The following CASR variants were observed in gnomAD, a reference collection of about 807,000 sequenced individuals.
The protein encoded by CASR is calcium sensing receptor, also known as extracellular calcium-sensing receptor.
A neutral mutation model predicts 69.1 loss-of-function variants in CASR; 23 were observed. That is an observed-to-expected ratio of 0.33 (90% CI 0.24 to 0.47). The LOEUF (loss-of-function observed/expected upper bound fraction) is 0.47, where lower values mean the gene tolerates loss of function less well. Ranked by LOEUF, CASR falls within the 20% of genes least tolerant of loss-of-function variation. The pLI is 1.00. For synonymous variants in CASR, 541 were observed against 544.7 expected, an observed-to-expected ratio of 0.99 and a Z score of 0.10; for missense variants, 924 against 1,356.1, an observed-to-expected ratio of 0.68 and a Z score of 5.00.
chr3:122,187,100 C>G (rs895901063), intron 1 of CASR, among the ~76,000 whole-genome samples: 3 of 152,064 alleles, frequency 2.0e-5, no homozygotes, highest in African/African-American at 7.2e-5. Context: ...CATCCATATT[C>G]CCATTAATAA....
chr3:122,199,711 G>C (rs2073923449), intron 1 of CASR, among the ~76,000 whole-genome samples: 1 of 152,040 alleles, frequency 6.6e-6, no homozygotes, highest in Admixed American at 6.6e-5. Flanking sequence ...GTAGAATAGT[G>C]GTTACTAGAG....
chr3:122,268,159 A>T (rs751028201), intron 4 of CASR, among the ~76,000 whole-genome samples: 5 of 152,100 alleles, frequency 3.3e-5, no homozygotes, highest in Non-Finnish European at 7.3e-5. Flanking sequence ...TTTCTCTCTC[A>T]CCTGAGAAAT....
Position 122,191,501 on chromosome 3 carries a change from G to A in CASR, c.-243+7689G>A, listed in dbSNP as rs891279154. On this transcript the variant is annotated intron_variant, in intron 1 of 6. Transcript: ENST00000639785. ...TAATTTTTGTGTTTTTAGTAGAGAC[G>A]GAGTTTTACCATGTTGCCCAGGCTG... Among the ~76,000 whole-genome samples, 6 of 151,420 alleles carry A rather than the reference G, an allele frequency of 4.0e-5. No homozygotes were observed. The South Asian group carries it at 1.0e-3, about 26-fold the overall frequency.
At chr3:122,201,651 AC>A (rs2073952887) in intron 1 of CASR, among the ~76,000 whole-genome samples, 1 of 82,168 alleles carries the variant, frequency 1.2e-5, no homozygotes, top group African/African-American at 3.8e-5. Context: ...TCCCTCCCGG[AC>A]GGGGCGGCTG....
Position 122,261,824 on chromosome 3 carries a change from G to A in CASR, c.789G>A (p.Thr263=), listed in dbSNP as rs369124816. The A allele has an allele frequency of 1.9e-6, 3 of 1,614,182 alleles. No homozygotes were observed. The highest frequency in any genetic ancestry group is 1.7e-5 in the Admixed American group (1 of 60,020). ...QHVVEVIQNS[T]AKVIVVFSSG... ...TGGTAGAGGTGATTCAAAATTCCAC[G>A]GCCAAAGTCATCGTGGTTTTCTCCA... is the stretch of plus-strand genomic sequence containing the variant. Residue 263 remains threonine, a synonymous_variant, in exon 4 of 7, where the codon ACG becomes ACA. Transcript: ENST00000639785.
chr3:122,288,953 A>G lies in CASR; in HGVS notation c.*3762A>G, dbSNP rs1223186108. Reference sequence around the variant, plus strand: ...AATTTAGAGGTGACGATCAGCATATAACATCAATACCCTGAAAGTCCCTAT... The same window carrying G: ...AATTTAGAGGTGACGATCAGCATATGACATCAATACCCTGAAAGTCCCTAT... On this transcript the variant is annotated 3_prime_UTR_variant, in exon 7 of 7. Transcript: ENST00000639785. 2 of 152,204 alleles carry G rather than the reference A, an allele frequency of 1.3e-5. No homozygotes were observed. The highest frequency in any genetic ancestry group is 2.4e-5 in the African/African-American group (1 of 41,448). 9.4% of individuals were successfully genotyped at this position (152,204 alleles called of 1,614,324 possible).
rs535560123 is a variant in CASR, at chr3:122,286,184, G to A, written c.*993G>A. On this transcript the variant is annotated 3_prime_UTR_variant, in exon 7 of 7. Transcript: ENST00000639785. ...CTAGGGTAGGAAAGCGTGGTTCCAA[G>A]AAAGATCCACCCTCAAATGTCAGAG... The A allele has an allele frequency of 6.6e-6, 1 of 152,418 alleles. No individual in the cohort carries two copies. The highest frequency in any genetic ancestry group is 1.9e-4 in the East Asian group (1 of 5,178). The allele number at this position is 152,418 out of a possible 1,614,324, so 9.4% of individuals were successfully genotyped here.
At chr3:122,266,072 T>G (rs2074690387) in intron 4 of CASR, among the ~76,000 whole-genome samples, 1 of 152,140 alleles carries the variant, frequency 6.6e-6, no homozygotes, top group African/African-American at 2.4e-5. Context: ...CTGTGTGACC[T>G]GGCCCTCATT....
In CASR at chr3:122,275,894, G is replaced by A. The variant is rs1206946808; in HGVS notation, c.1460G>A (p.Gly487Glu). 1.9e-6 allele frequency: 3 copies of A among 1,613,992 alleles called. No individual in the cohort carries two copies. Among genetic ancestry groups the A allele is most frequent in the African/African-American group, 2.7e-5 (2 of 74,914 alleles). Residue 487 changes from glycine to glutamate, a missense_variant, in exon 5 of 7, where the codon GGG (glycine) becomes GAG (glutamate). Gly to Glu is a moderately conservative substitution (Grantham distance 98). Around this residue, in one of 8 missense-constraint regions of CASR, gnomAD observed 310 missense variants for 395.7 expected, o/e 0.78. Transcript: ENST00000639785. ...TTTGATGAGTGTGGTGACCTGGTGG[G>A]GAACTATTCCATCATCAACTGGCAC... The part of the protein sequence containing the change: ...VTFDECGDLV[G>E]NYSIINWHLS...
rs1212423248 is a variant in CASR, at chr3:122,288,527, G to A, written c.*3336G>A. The A allele has an allele frequency of 6.6e-6, 1 of 152,148 alleles. No individual in the cohort carries two copies. Among genetic ancestry groups the A allele is most frequent in the Non-Finnish European group, 1.5e-5 (1 of 68,056 alleles). 9.4% of individuals were successfully genotyped at this position (152,148 alleles called of 1,614,324 possible). A position where few individuals can be genotyped will look rare whatever the true frequency, so the allele number is the denominator to read the frequency against. On this transcript the variant is annotated 3_prime_UTR_variant, in exon 7 of 7. Transcript: ENST00000639785. ...GAGCCTGTCTCAGAGATCTATTCCT[G>A]TTCTCACTGTGGTCCTCTTCCCTTC... is the stretch of plus-strand genomic sequence containing the variant.
chr3:122,247,969 CAATT>C (rs1470691948), intron 1 of CASR, among the ~76,000 whole-genome samples: 1 of 152,126 alleles, frequency 6.6e-6, no homozygotes, highest in Non-Finnish European at 1.5e-5. Flanking sequence ...TTTTCCAACT[CAATT>C]AAGCCATTAC....
intron 4 of CASR, among the ~76,000 whole-genome samples, chr3:122,264,630 C>G (rs932618626): frequency 2.0e-5 from 3 of 152,152 alleles, no homozygotes; most frequent in Non-Finnish European, 4.4e-5. Flanking sequence ...AAAATCTCCC[C>G]AGGAGACAGC....
chr3:122,253,894 C>T, intron 1 of CASR, 54 bp from the exon 2 acceptor site: 1 of 417,552 alleles, frequency 2.4e-6, no homozygotes, highest in Non-Finnish European at 4.5e-6. Context: ...CAGTGGTCAT[C>T]ACAAGATGGG....
chr3:122,204,310 T>C (rs2073985504), intron 1 of CASR, among the ~76,000 whole-genome samples: 1 of 152,192 alleles, frequency 6.6e-6, no homozygotes, highest in South Asian at 2.1e-4. Context: ...AGCCCCCATA[T>C]GTAAATGAGA....
intron 6 of CASR, among the ~76,000 whole-genome samples, chr3:122,283,389 T>A (rs1275644449): frequency 6.6e-6 from 1 of 152,218 alleles, no homozygotes; most frequent in Admixed American, 6.5e-5. Context: ...GCAAGGTTGA[T>A]CATTCCCTGC....
At chr3:122,199,768 A>G (rs2073924094) in intron 1 of CASR, among the ~76,000 whole-genome samples, 1 of 152,222 alleles carries the variant, frequency 6.6e-6, no homozygotes, top group African/African-American at 2.4e-5. Context: ...AAGTTGGTTA[A>G]GGTATACAAA....
chr3:122,235,713 C>G (rs892747831), intron 1 of CASR, among the ~76,000 whole-genome samples: 1 of 152,126 alleles, frequency 6.6e-6, no homozygotes, highest in African/African-American at 2.4e-5. Flanking sequence ...AGGAGGATCA[C>G]GAGCCCAGGA....
intron 1 of CASR, among the ~76,000 whole-genome samples, chr3:122,252,332 G>A (rs1486342630): frequency 2.6e-5 from 2 of 77,972 alleles, no homozygotes; most frequent in East Asian, 2.7e-4. Context: ...GAAAGAAAGA[G>A]AGAGAAAGAA....
intron 1 of CASR, among the ~76,000 whole-genome samples, chr3:122,252,255 C>T (rs550967518): frequency 1.3e-4 from 19 of 148,890 alleles, no homozygotes; most frequent in East Asian, 7.8e-4. Flanking sequence ...GCTGTGATGG[C>T]GCCACTGCAT....
Sources: gnomAD v4.1 joint callset for allele counts (sites outside exome capture counted in the v4.1 genomes callset) on GRCh38, gnomAD v4.1.1 for gene constraint, gnomAD v4.1.1 regional missense constraint, MANE v1.5 for transcripts, NCBI Gene and HGNC (gene_info 2026-07-23, HGNC 2026-07-21) for gene names.